Variants in ATP9B observed in about 807,000 individuals in gnomAD.
ATP9B encodes the protein probable phospholipid-transporting ATPase IIB.
Under a neutral mutation model 146.1 loss-of-function variants are expected in ATP9B, and 110 were observed. That is an observed-to-expected ratio of 0.75 (90% CI 0.65 to 0.88). ATP9B has a LOEUF of 0.88. Ranked by LOEUF, ATP9B falls within the 40% of genes least tolerant of loss-of-function variation. The probability of loss-of-function intolerance (pLI) is 0.00; values close to 1 mark genes in which losing one functional copy is unlikely to be tolerated. For synonymous variants in ATP9B, 604 were observed against 569.7 expected (o/e 1.06, Z -0.86); for missense variants, 1,499 against 1,496.4 (o/e 1.00, Z -0.03).
Position 79,235,054 on chromosome 18 carries a change from A to G in ATP9B, c.1108-18327A>G, listed in dbSNP as rs2148613941. On this transcript the variant is annotated intron_variant, in intron 11 of 29. Coordinates refer to ENST00000426216, the MANE Select transcript of ATP9B (RefSeq NM_198531.5). ...TGCCTGGCTAATTTTTATATTTTTA[A>G]TAGAGATGGGGTTTCACCATATTGG... is the stretch of plus-strand genomic sequence containing the variant. Among the ~76,000 whole-genome samples the G allele has an allele frequency of 1.3e-5, 2 of 152,074 alleles. 1 individual carries two copies. The highest frequency in any genetic ancestry group is 6.8e-3 in the Middle Eastern group (2 of 294).
intron 19 of ATP9B, among the ~76,000 whole-genome samples, chr18:79,339,507 G>A (rs1285698069): frequency 7.3e-5 from 11 of 151,594 alleles, no homozygotes; most frequent in African/African-American, 1.7e-4. Flanking sequence ...TGTCATGATC[G>A]TAGTAGGAAG....
chr18:79,369,241 A>G lies in ATP9B; in HGVS notation c.3013-3584A>G, dbSNP rs2097054288. Reference sequence around the variant, plus strand: ...GTAAAACCCCGTCTCTACTAAAAATACAAAAAAAATGAGCCGGGCGTGGTG... The same window carrying G: ...GTAAAACCCCGTCTCTACTAAAAATGCAAAAAAAATGAGCCGGGCGTGGTG... On this transcript the variant is annotated intron_variant, in intron 26 of 29. Transcript: ENST00000426216. Among the ~76,000 whole-genome samples the G allele has an allele frequency of 2.0e-5, 3 of 151,586 alleles. No individual in the cohort carries two copies. The South Asian group carries it at 6.3e-4, about 32-fold the overall frequency.
chr18:79,219,128 A>G (rs1437167729), intron 11 of ATP9B, among the ~76,000 whole-genome samples: 1 of 152,230 alleles, frequency 6.6e-6, no homozygotes, highest in African/African-American at 2.4e-5. Flanking sequence ...AGTAGAAAAG[A>G]GGTTGGTAAT....
intron 13 of ATP9B, among the ~76,000 whole-genome samples, chr18:79,282,623 C>T (rs1312263986): frequency 6.6e-6 from 1 of 152,206 alleles, no homozygotes; most frequent in African/African-American, 2.4e-5. Flanking sequence ...AATAGACTTA[C>T]TATAGTGTAA....
intron 13 of ATP9B, among the ~76,000 whole-genome samples, chr18:79,297,524 A>G (rs2096561257): frequency 6.6e-6 from 1 of 152,186 alleles, no homozygotes; most frequent in South Asian, 2.1e-4. Context: ...TTTTGGTAAT[A>G]TATCTACTTT....
intron 10 of ATP9B, among the ~76,000 whole-genome samples, chr18:79,209,129 T>A (rs1379022900): frequency 1.3e-5 from 2 of 152,132 alleles, no homozygotes; most frequent in East Asian, 1.9e-4. Context: ...CCAGTTACCA[T>A]AGAGCCAGGC....
chr18:79,268,303 C>G (rs1391315859), intron 12 of ATP9B, among the ~76,000 whole-genome samples: 1 of 151,992 alleles, frequency 6.6e-6, no homozygotes, highest in Non-Finnish European at 1.5e-5. Flanking sequence ...TAATTTTTAT[C>G]TAAATTTGAT....
intron 13 of ATP9B, among the ~76,000 whole-genome samples, chr18:79,285,244 A>G (rs1013345305): frequency 2.0e-5 from 3 of 151,682 alleles, no homozygotes; most frequent in Non-Finnish European, 4.4e-5. Flanking sequence ...CCAACAGTGT[A>G]AAAGTGTTCC....
intron 20 of ATP9B, among the ~76,000 whole-genome samples, chr18:79,343,045 G>A (rs2096867524): frequency 6.6e-6 from 1 of 152,142 alleles, no homozygotes; most frequent in Admixed American, 6.5e-5. Flanking sequence ...CTTGATTTAT[G>A]GTGAGTGAAC....
At chr18:79,161,852 AAAG>A (rs1026565754) in intron 7 of ATP9B, among the ~76,000 whole-genome samples, 2 of 152,214 alleles carry the variant, frequency 1.3e-5, no homozygotes, top group African/African-American at 4.8e-5. Context: ...TCTCAAAAAA[AAAG>A]AAGTCAGATT....
chr18:79,110,596 A>T (rs1312693383), intron 3 of ATP9B, 91 bp downstream of exon 3: 4 of 1,286,858 alleles, frequency 3.1e-6, no homozygotes, highest in Non-Finnish European at 4.2e-6. Flanking sequence ...ACTCTGACTT[A>T]GGTATTGAGT....
At chr18:79,276,540 G>T (rs1181330131) in intron 12 of ATP9B, among the ~76,000 whole-genome samples, 1 of 152,184 alleles carries the variant, frequency 6.6e-6, no homozygotes, top group Non-Finnish European at 1.5e-5. Context: ...CATTTCCCAT[G>T]TTGATTTGCA....
chr18:79,075,859 T>TA (rs1383446269), intron 1 of ATP9B, among the ~76,000 whole-genome samples: 2 of 152,244 alleles, frequency 1.3e-5, no homozygotes, highest in East Asian at 3.8e-4. Flanking sequence ...TTTCCTGCCT[T>TA]ACGGATTATG....
chr18:79,359,148 A>G (rs983385795), intron 25 of ATP9B, among the ~76,000 whole-genome samples: 1 of 152,164 alleles, frequency 6.6e-6, no homozygotes, highest in African/African-American at 2.4e-5. Flanking sequence ...ACCCGTAAGC[A>G]TTTGTGACTT....
At chr18:79,173,166 A>G (rs550782847) in intron 7 of ATP9B, among the ~76,000 whole-genome samples, 1 of 151,934 alleles carries the variant, frequency 6.6e-6, no homozygotes, top group Non-Finnish European at 1.5e-5. Flanking sequence ...TCTTTTGCCC[A>G]TTTTCTAATT....
chr18:79,096,370 C>G lies in ATP9B; in HGVS notation c.120-106C>G, dbSNP rs1301768953. On this transcript the variant is annotated intron_variant, in intron 1 of 29. Transcript: ENST00000426216. ...CTGCAGTCTTATTTATAATGCTTTC[C>G]CTCAGCTGAAGACAGCCTAATTTGA... The G allele has an allele frequency of 4.7e-6, 5 of 1,054,192 alleles. No homozygotes were observed. The African/African-American group carries it at 4.9e-5, about 10-fold the overall frequency. 65.3% of individuals were successfully genotyped at this position (1,054,192 alleles called of 1,614,324 possible).
intron 7 of ATP9B, among the ~76,000 whole-genome samples, chr18:79,156,132 G>A (rs931907498): frequency 2.0e-5 from 3 of 152,092 alleles, no homozygotes; most frequent in Admixed American, 6.5e-5. Context: ...TGCCATTAAC[G>A]GGAGATCAGC....
rs114573936 is a variant in ATP9B, at chr18:79,365,712, A to G, written c.3012+6250A>G. Among the ~76,000 whole-genome samples the G allele has an allele frequency of 6.5e-3, 979 of 151,340 alleles. 4 individuals are homozygous for G. The highest frequency in any genetic ancestry group is 0.022 in the African/African-American group (916 of 41,128). ...GACAGCTCCCGCGTGATGGAAGGAC[A>G]TCTCTGTGGACGGGGACAGCCCATG... On this transcript the variant is annotated intron_variant, in intron 26 of 29. Coordinates refer to ENST00000426216, the MANE Select transcript of ATP9B (RefSeq NM_198531.5).
At chr18:79,161,576 C>T (rs549677635) in intron 7 of ATP9B, among the ~76,000 whole-genome samples, 20 of 152,180 alleles carry the variant, frequency 1.3e-4, no homozygotes, top group Admixed American at 5.9e-4. Flanking sequence ...GGGCTGGGCA[C>T]GGTGGCTCAC....
Sources: allele counts gnomAD v4.1 joint callset (sites outside exome capture counted in the v4.1 genomes callset), GRCh38; gene constraint gnomAD v4.1.1; transcripts MANE v1.5; gene names NCBI Gene and HGNC (gene_info 2026-07-23, HGNC 2026-07-21).